Variants in PDE1C observed in about 807,000 individuals in gnomAD.
PDE1C encodes phosphodiesterase 1C, also known as dual specificity calcium/calmodulin-dependent 3',5'-cyclic nucleotide phosphodiesterase 1C.
A neutral mutation model predicts 93.1 loss-of-function variants in PDE1C; 62 were observed. The observed-to-expected ratio is 0.67, with a 90% CI of 0.54 to 0.82. The LOEUF is 0.82. Ranked by LOEUF, PDE1C falls within the 40% of genes least tolerant of loss-of-function variation. The pLI is 0.00. For synonymous variants in PDE1C, 325 were observed against 310.1 expected (o/e 1.05, Z -0.50); for missense variants, 742 against 884.6 (o/e 0.84, Z 2.04).
intron 3 of PDE1C, among the ~76,000 whole-genome samples, chr7:32,085,015 A>C (rs1338640537): frequency 1.6e-5 from 2 of 128,266 alleles, no homozygotes; most frequent in African/African-American, 6.2e-5. Flanking sequence ...AGCAGAACTG[A>C]AGGAAATAGA....
At chr7:32,326,006 T>G (rs2128075088) in intron 1 of PDE1C, among the ~76,000 whole-genome samples, 1 of 152,082 alleles carries the variant, frequency 6.6e-6, no homozygotes, top group South Asian at 2.1e-4. Flanking sequence ...TAATTATAAT[T>G]TAAAGGAAGA....
chr7:32,365,584 C>A (rs764234286), intron 1 of PDE1C, among the ~76,000 whole-genome samples: 16 of 152,152 alleles, frequency 1.1e-4, no homozygotes, highest in Admixed American at 2.0e-4. Flanking sequence ...CCCCAGTACC[C>A]ATGTCCTGGG....
chr7:31,701,665 GA>G, the PDE1C span, among the ~76,000 whole-genome samples: 1 of 152,208 alleles, frequency 6.6e-6, no homozygotes, highest in East Asian at 1.9e-4. Flanking sequence ...CATCAATGCA[GA>G]AAACTTCACT....
chr7:31,717,949 G>T, the PDE1C span, among the ~76,000 whole-genome samples: 2 of 152,192 alleles, frequency 1.3e-5, no homozygotes, highest in African/African-American at 2.4e-5. Context: ...GAAGCAAAGA[G>T]AAGAAATGTC....
chr7:31,892,943 G>A (rs1264290068), intron 2 of PDE1C, among the ~76,000 whole-genome samples: 3 of 152,174 alleles, frequency 2.0e-5, no homozygotes, highest in Non-Finnish European at 4.4e-5. Context: ...TGAGAAGTAT[G>A]TGAGGTAATT....
chr7:31,737,943 A>G, the PDE1C span, among the ~76,000 whole-genome samples: 1 of 152,194 alleles, frequency 6.6e-6, no homozygotes, highest in Non-Finnish European at 1.5e-5. Context: ...GTTAAATAAC[A>G]GCATAGAAAA....
the PDE1C span, among the ~76,000 whole-genome samples, chr7:31,640,183 C>T: frequency 6.6e-6 from 1 of 152,198 alleles, no homozygotes; most frequent in Non-Finnish European, 1.5e-5. Flanking sequence ...CAAGACACTT[C>T]TGAGTATTCT....
chr7:31,640,773 C>T, the PDE1C span, among the ~76,000 whole-genome samples: 1 of 151,860 alleles, frequency 6.6e-6, no homozygotes. Context: ...CAAATATTTT[C>T]TATTTTTTTA....
chr7:32,126,201 CTAGATAGATAGA>C (rs5883326), intron 3 of PDE1C, among the ~76,000 whole-genome samples: 249 of 147,000 alleles, frequency 1.7e-3, no homozygotes, highest in Middle Eastern at 0.01. Context: ...ATCCACTATT[CTAGATAGATAGA>C]TAGATAGATA....
intron 1 of PDE1C, among the ~76,000 whole-genome samples, chr7:32,264,942 T>C (rs970785084): frequency 6.6e-6 from 1 of 152,236 alleles, no homozygotes; most frequent in East Asian, 1.9e-4. Context: ...ATGTCCTCTA[T>C]TGTCTTTTAA....
chr7:31,893,027 A>G (rs1400597148), intron 2 of PDE1C, among the ~76,000 whole-genome samples: 1 of 152,202 alleles, frequency 6.6e-6, no homozygotes, highest in Non-Finnish European at 1.5e-5. Flanking sequence ...TACCCCATAA[A>G]TATATACAAT....
At chr7:31,859,966 G>A (rs1387861778) in intron 7 of PDE1C, among the ~76,000 whole-genome samples, 1 of 152,044 alleles carries the variant, frequency 6.6e-6, no homozygotes, top group African/African-American at 2.4e-5. Context: ...ACTCCCTATT[G>A]ATAGGTATAT....
chr7:31,994,074 A>G (rs568478319), intron 2 of PDE1C, among the ~76,000 whole-genome samples: 1 of 152,196 alleles, frequency 6.6e-6, no homozygotes, highest in South Asian at 2.1e-4. Context: ...ATTTTCCTGT[A>G]TTTCCTGAGA....
chr7:31,964,290 C>T (rs1002140843), intron 2 of PDE1C, among the ~76,000 whole-genome samples: 3 of 152,328 alleles, frequency 2.0e-5, no homozygotes, highest in East Asian at 1.9e-4. Context: ...GCTTAACAAA[C>T]GGCACACCAG....
chr7:31,719,181 A>G, the PDE1C span, among the ~76,000 whole-genome samples: 1 of 152,180 alleles, frequency 6.6e-6, no homozygotes, highest in Non-Finnish European at 1.5e-5. Context: ...TTTGACAAGA[A>G]TGCTTCCTGA....
At chr7:32,325,391 C>T (rs1783386572) in intron 1 of PDE1C, among the ~76,000 whole-genome samples, 1 of 152,104 alleles carries the variant, frequency 6.6e-6, no homozygotes, top group African/African-American at 2.4e-5. Flanking sequence ...CTGCTGCCCA[C>T]AGTGCTGTCT....
At chr7:31,966,923 C>T (rs1166021591) in intron 2 of PDE1C, among the ~76,000 whole-genome samples, 1 of 152,004 alleles carries the variant, frequency 6.6e-6, no homozygotes, top group East Asian at 1.9e-4. Flanking sequence ...AGAACAAAGA[C>T]ACAACATACC....
the PDE1C span, among the ~76,000 whole-genome samples, chr7:31,617,376 A>G: frequency 6.6e-6 from 1 of 152,218 alleles, no homozygotes; most frequent in Non-Finnish European, 1.5e-5. Flanking sequence ...TCATACCTCT[A>G]TGTAGTATTA....
At chr7:32,297,955 ATCTCTCTCTCTC>A (rs768784407) in intron 1 of PDE1C, among the ~76,000 whole-genome samples, 493 of 28,932 alleles carry the variant, frequency 0.017, 5 homozygotes, top group Non-Finnish European at 0.021. Context: ...CTATTGTTCA[ATCTCTCTCTCTC>A]TCTCTCTCTC....
Sources: gnomAD v4.1 joint callset for allele counts (sites outside exome capture counted in the v4.1 genomes callset) on GRCh38, gnomAD v4.1.1 for gene constraint, MANE v1.5 for transcripts, NCBI Gene and HGNC (gene_info 2026-07-23, HGNC 2026-07-21) for gene names.